The following THEM4 variants were observed in gnomAD, a reference collection of about 807,000 sequenced individuals.
THEM4 encodes acyl-coenzyme A thioesterase THEM4.
In THEM4, 22 loss-of-function variants were observed where a neutral mutation model predicts 25.0. The ratio of observed to expected loss-of-function variants is 0.88; its 90% confidence interval spans 0.63 to 1.26. The LOEUF is 1.26. Among genes scored for constraint, THEM4 ranks in the 50% most tolerant of loss-of-function variants. The pLI, the probability that THEM4 is intolerant of heterozygous loss-of-function variation, is 0.00. For missense variants in THEM4, 286 were observed against 300.3 expected (o/e 0.95, Z 0.35); for synonymous variants, 113 against 105.6 (o/e 1.07, Z -0.43).
chr1:151,894,827 G>C, intron 2 of THEM4, 181 bp downstream of exon 2: 1 of 680,444 alleles, frequency 1.5e-6, no homozygotes, highest in Non-Finnish European at 2.5e-6. Context: ...CTTGACAATA[G>C]GCTTTATGCT....
Position 151,877,103 on chromosome 1 carries a change from CAACAG to C in THEM4, c.575_579del (p.Ser192CysfsTer5). 6.2e-7 allele frequency: 1 copy of C among 1,612,326 alleles called. No homozygotes were observed. The highest frequency in any genetic ancestry group is 8.5e-7 in the Non-Finnish European group (1 of 1,179,520). On this transcript the variant is annotated frameshift_variant, in exon 5 of 6. Coordinates refer to ENST00000368814, the MANE Select transcript of THEM4 (RefSeq NM_053055.5). LOFTEE classifies it high-confidence loss of function. ...TTATCAAGTTGGCTATTTATCATAACAACAGAACAAAGAGGGATAGGTCTGCAGAA... is the reference window on the plus strand; with the variant it reads ...TTATCAAGTTGGCTATTTATCATAACAACAAAGAGGGATAGGTCTGCAGAA...
rs1425124350 is a variant in THEM4, at chr1:151,871,977, G to A, written c.*2911C>T. Among the ~76,000 whole-genome samples, 1 of 152,200 alleles carries A rather than the reference G, an allele frequency of 6.6e-6. No individual in the cohort carries two copies. The highest frequency in any genetic ancestry group is 1.5e-5 in the Non-Finnish European group (1 of 68,046). ...AACATGTGAAATATAATTATTGTAA[G>A]AGTCCACTCTCTTAAGTTTCAGGAT... On this transcript the variant is annotated 3_prime_UTR_variant, in exon 6 of 6. Transcript: ENST00000368814.
At chr1:151,907,346 G>T (rs1015673680) in intron 1 of THEM4, among the ~76,000 whole-genome samples, 18 of 152,192 alleles carry the variant, frequency 1.2e-4, no homozygotes, top group Non-Finnish European at 2.5e-4. Context: ...CTTCTTTCTT[G>T]AAGTCAGTGA....
chr1:151,873,923 G>C lies in THEM4; in HGVS notation c.*965C>G, dbSNP rs914925047. On this transcript the variant is annotated 3_prime_UTR_variant, in exon 6 of 6. Coordinates refer to ENST00000368814, the MANE Select transcript of THEM4 (RefSeq NM_053055.5). ...GAACTTCTGGCCTCCAGAACTGAGA[G>C]ACAATGAGTTTTTGTTGGTTTAAAC... 3 of 152,210 alleles carry C rather than the reference G, an allele frequency of 2.0e-5. No individual in the cohort carries two copies. The highest frequency in any genetic ancestry group is 2.0e-4 in the Admixed American group (3 of 15,286). The allele number at this position is 152,210 out of a possible 1,614,324, so 9.4% of individuals were successfully genotyped here.
intron 1 of THEM4, among the ~76,000 whole-genome samples, chr1:151,904,587 G>A (rs1386173126): frequency 6.6e-6 from 1 of 152,152 alleles, no homozygotes; most frequent in Non-Finnish European, 1.5e-5. Flanking sequence ...CTGGTGTAAC[G>A]AATGAATTAA....
Position 151,874,837 on chromosome 1 carries a change from A to C in THEM4, c.*51T>G. The C allele has an allele frequency of 6.3e-7, 1 of 1,576,022 alleles. No homozygotes were observed. The highest frequency in any genetic ancestry group is 8.7e-7 in the Non-Finnish European group (1 of 1,146,842). On this transcript the variant is annotated 3_prime_UTR_variant, in exon 6 of 6. Coordinates refer to ENST00000368814, the MANE Select transcript of THEM4 (RefSeq NM_053055.5). ...TGAGGGAGCAGAGTATTTGGGGGAC[A>C]ACTGCTTCTTCTGGAGGGGCGAGAA...
chr1:151,881,599 T>C (rs113339832), intron 4 of THEM4, among the ~76,000 whole-genome samples: 11 of 152,196 alleles, frequency 7.2e-5, no homozygotes, highest in African/African-American at 2.7e-4. Flanking sequence ...TGATTTTAGA[T>C]CGACATTTTC....
At chr1:151,886,518 T>TA (rs1307062060) in intron 4 of THEM4, among the ~76,000 whole-genome samples, 2 of 152,092 alleles carry the variant, frequency 1.3e-5, no homozygotes, top group African/African-American at 2.4e-5. Flanking sequence ...TGGAAAAATA[T>TA]AAAAAATTTA....
At chr1:151,898,891 A>G (rs528996959) in intron 1 of THEM4, among the ~76,000 whole-genome samples, 1 of 152,374 alleles carries the variant, frequency 6.6e-6, no homozygotes, top group East Asian at 1.9e-4. Context: ...GGGGGAGAGT[A>G]CTACATCAGC....
chr1:151,888,020 C>A (rs1244521280), intron 4 of THEM4, among the ~76,000 whole-genome samples: 1 of 152,172 alleles, frequency 6.6e-6, no homozygotes, highest in East Asian at 1.9e-4. Context: ...GGAGACAATT[C>A]TGAGGCATAA....
At chr1:151,890,813 A>C (rs1309985029) in intron 2 of THEM4, 4 of 152,256 alleles carry the variant, frequency 2.6e-5, no homozygotes, top group African/African-American at 9.6e-5. Context: ...TCTGGCCTAG[A>C]ACTCACTCTT....
At chr1:151,893,837 A>G (rs983332912) in intron 2 of THEM4, among the ~76,000 whole-genome samples, 1 of 151,984 alleles carries the variant, frequency 6.6e-6, no homozygotes, top group South Asian at 2.1e-4. Flanking sequence ...TTGTTGGGCA[A>G]TATTGAGAGC....
intron 2 of THEM4, 161 bp downstream of exon 2, chr1:151,894,847 G>A: frequency 1.2e-6 from 1 of 805,688 alleles, no homozygotes; most frequent in Non-Finnish European, 2.0e-6. Flanking sequence ...TCTCCAATCT[G>A]CAAAATTTAT....
chr1:151,908,981 A>G (rs927178081), intron 1 of THEM4, among the ~76,000 whole-genome samples: 4 of 152,236 alleles, frequency 2.6e-5, no homozygotes, highest in African/African-American at 9.6e-5. Context: ...TTTAAAGGGA[A>G]GATAAAAGCT....
intron 1 of THEM4, among the ~76,000 whole-genome samples, chr1:151,896,112 C>G (rs112409653): frequency 0.022 from 3,332 of 151,760 alleles, 130 homozygotes; most frequent in African/African-American, 0.077. Flanking sequence ...CCTGCCTCAG[C>G]CTTCTGAGTA....
intron 1 of THEM4, among the ~76,000 whole-genome samples, chr1:151,905,294 T>C (rs1022595067): frequency 6.6e-6 from 1 of 152,198 alleles, no homozygotes; most frequent in African/African-American, 2.4e-5. Flanking sequence ...CTGAGGTTTT[T>C]CTCTTTTTCC....
Position 151,873,897 on chromosome 1 carries a change from TGAACTTCTGGCCTCCA to T in THEM4, c.*975_*990del, listed in dbSNP as rs1340770546. ...ATGGCCTTGGTCAACACCTTGATTT[TGAACTTCTGGCCTCCA>T]GAACTGAGAGACAATGAGTTTTTGT... On this transcript the variant is annotated 3_prime_UTR_variant, in exon 6 of 6. Transcript: ENST00000368814. 1 of 152,210 alleles carries T rather than the reference TGAACTTCTGGCCTCCA, an allele frequency of 6.6e-6. No individual in the cohort carries two copies. Among genetic ancestry groups the T allele is most frequent in the Non-Finnish European group, 1.5e-5 (1 of 68,054 alleles). The allele number at this position is 152,210 out of a possible 1,614,324, so 9.4% of individuals were successfully genotyped here.
rs1224457941 is a variant in THEM4 at position 151,873,088 on chromosome 1, G to A, written c.*1800C>T. On this transcript the variant is annotated 3_prime_UTR_variant, in exon 6 of 6. Transcript: ENST00000368814. ...ATAGGAGAAAACCACCCTGTGGCTG[G>A]AGCCAAGATACGCTGGCGGCAATGC... Among the ~76,000 whole-genome samples, 2 of 152,168 alleles carry A rather than the reference G, an allele frequency of 1.3e-5. No homozygotes were observed. The highest frequency in any genetic ancestry group is 1.5e-5 in the Non-Finnish European group (1 of 68,032).
At chr1:151,903,069 G>A (rs1489848788) in intron 1 of THEM4, among the ~76,000 whole-genome samples, 2 of 152,106 alleles carry the variant, frequency 1.3e-5, no homozygotes, top group Non-Finnish European at 2.9e-5. Flanking sequence ...AGTATCAGAG[G>A]GTTGGGGATA....
Sources: gnomAD v4.1 joint callset for allele counts (sites outside exome capture counted in the v4.1 genomes callset) on GRCh38, gnomAD v4.1.1 for gene constraint, MANE v1.5 for transcripts, NCBI Gene and HGNC (gene_info 2026-07-23, HGNC 2026-07-21) for gene names.